Variants in ZFYVE28 observed in about 807,000 individuals in gnomAD.
ZFYVE28 encodes lateral signaling target protein 2 homolog.
ZFYVE28 carries 40 observed loss-of-function variants against 82.1 expected under a neutral mutation model. That is an observed-to-expected ratio of 0.49 (90% confidence interval 0.38 to 0.63). The LOEUF (loss-of-function observed/expected upper bound fraction) is 0.63, where lower values mean the gene tolerates loss of function less well. Ranked by LOEUF, ZFYVE28 falls within the 30% of genes least tolerant of loss-of-function variation. The probability of loss-of-function intolerance (pLI) is 0.00; values close to 1 mark genes in which losing one functional copy is unlikely to be tolerated. For missense variants in ZFYVE28, 1,321 were observed against 1,242.1 expected (o/e 1.06, Z -0.96); for synonymous variants, 612 against 546.1 (o/e 1.12, Z -1.68).
At chr4:2,337,005 G>C (rs1351542978) in intron 5 of ZFYVE28, among the ~76,000 whole-genome samples, 1 of 138,416 alleles carries the variant, frequency 7.2e-6, no homozygotes, top group East Asian at 2.6e-4. Flanking sequence ...AGGTGGGGAA[G>C]TGAGGAGGTG....
rs1484377880 is a variant in ZFYVE28, at chr4:2,408,429, T to A, written c.39+9856A>T. On this transcript the variant is annotated intron_variant, in intron 1 of 12. Transcript: ENST00000290974. The surrounding 1 kb of genome is among the most constrained non-coding windows in gnomAD (Gnocchi z 4.3). ...GTGACTTCCAGGCTGGGCCTCAGGA[T>A]CACCTTGCCACTCTGCTCCACTGCC... Among the ~76,000 whole-genome samples the A allele has an allele frequency of 6.6e-6, 1 of 151,584 alleles. No individual in the cohort carries two copies. Among genetic ancestry groups the A allele is most frequent in the Admixed American group, 6.6e-5 (1 of 15,188 alleles).
At chr4:2,395,166 C>T (rs528340241) in intron 1 of ZFYVE28, among the ~76,000 whole-genome samples, 65 of 152,172 alleles carry the variant, frequency 4.3e-4, no homozygotes, top group Non-Finnish European at 7.1e-4. Flanking sequence ...CCACGCCAGT[C>T]GTACCCTACT....
intron 8 of ZFYVE28, among the ~76,000 whole-genome samples, chr4:2,279,962 G>A (rs1396998883): frequency 6.6e-6 from 1 of 152,190 alleles, no homozygotes; most frequent in East Asian, 1.9e-4. Flanking sequence ...TTTTGAATTA[G>A]ACAGTGATAT....
chr4:2,393,874 A>G (rs1325843698), intron 1 of ZFYVE28, among the ~76,000 whole-genome samples: 2 of 152,178 alleles, frequency 1.3e-5, no homozygotes, highest in Non-Finnish European at 2.9e-5. Context: ...ACAAATCACT[A>G]CAAACTCCAC....
chr4:2,276,009 G>A (rs1322826745), intron 8 of ZFYVE28, among the ~76,000 whole-genome samples: 1 of 152,246 alleles, frequency 6.6e-6, no homozygotes, highest in African/African-American at 2.4e-5. Context: ...CACGTGGCGT[G>A]AGTCTTTTCA....
In ZFYVE28 at chr4:2,332,949, G is replaced by A. The variant is rs528814547; in HGVS notation, c.701+2756C>T. Reference sequence around the variant, plus strand: ...GGGCTCACAGCTGGCCACCCCCCTGGACAGGCCTGCTCCCTGGACTCTGGC... The same window carrying A: ...GGGCTCACAGCTGGCCACCCCCCTGAACAGGCCTGCTCCCTGGACTCTGGC... On this transcript the variant is annotated intron_variant, in intron 6 of 12. Transcript: ENST00000290974. The surrounding 1 kb of genome is among the most constrained non-coding windows in gnomAD (Gnocchi z 4.7). Among the ~76,000 whole-genome samples, 2 of 152,146 alleles carry A rather than the reference G, an allele frequency of 1.3e-5. No individual in the cohort carries two copies. The highest frequency in any genetic ancestry group is 2.4e-5 in the African/African-American group (1 of 41,486).
chr4:2,394,819 C>T lies in ZFYVE28; in HGVS notation c.39+23466G>A, dbSNP rs59079106. Among the ~76,000 whole-genome samples, 4,947 of 152,334 alleles carry T rather than the reference C, an allele frequency of 0.032. 268 individuals carry two copies. The highest frequency in any genetic ancestry group is 0.11 in the African/African-American group (4,537 of 41,562). On this transcript the variant is annotated intron_variant, in intron 1 of 12. Coordinates refer to ENST00000290974, the MANE Select transcript of ZFYVE28 (RefSeq NM_020972.3). The surrounding 1 kb of genome is among the most constrained non-coding windows in gnomAD (Gnocchi z 4.0). ...GTCCTTGCAGCAACCCTGGTGCCAGCGGCAGATGCCAGCACCCAGCACAGT... is the reference window on the plus strand; with the variant it reads ...GTCCTTGCAGCAACCCTGGTGCCAGTGGCAGATGCCAGCACCCAGCACAGT...
rs1169300237 is a variant in ZFYVE28 at position 2,354,031 on chromosome 4, C to T, written c.82G>A (p.Glu28Lys). The change falls in exon 2 of 13, where the codon GAG becomes AAG. Residue 28 changes from glutamate to lysine, a missense_variant. Glu to Lys is a moderately conservative substitution (Grantham distance 56, BLOSUM62 1). Transcript: ENST00000290974. Reference sequence around the variant, plus strand: ...TCCGCGGCCACCTGGTTCAGCTCCTCGTCGGCATAGTAGAACCGGGCAAGC... The same window carrying T: ...TCCGCGGCCACCTGGTTCAGCTCCTTGTCGGCATAGTAGAACCGGGCAAGC... ...QLLARFYYAD[E>K]ELNQVAAELD... The T allele has an allele frequency of 5.7e-6, 9 of 1,580,260 alleles. No homozygotes were observed. The highest frequency in any genetic ancestry group is 7.7e-6 in the Non-Finnish European group (9 of 1,163,416).
intron 1 of ZFYVE28, among the ~76,000 whole-genome samples, chr4:2,392,553 G>A (rs1029130342): frequency 1.3e-5 from 2 of 152,156 alleles, no homozygotes; most frequent in African/African-American, 2.4e-5. Flanking sequence ...AAGCAGGTCC[G>A]GATAGATTCA....
intron 11 of ZFYVE28, 49 bp downstream of exon 11, chr4:2,271,626 C>A: frequency 2.5e-6 from 4 of 1,575,556 alleles, no homozygotes; most frequent in Non-Finnish European, 3.5e-6. Flanking sequence ...GCTCCCACAG[C>A]CCCCACTGGT....
At position 2,335,153 on chromosome 4, in the gene ZFYVE28, C is replaced by A. The variant is rs965582668; in HGVS notation, c.701+552G>T. Among the ~76,000 whole-genome samples, 1 of 151,838 alleles carries A rather than the reference C, an allele frequency of 6.6e-6. No individual in the cohort carries two copies. Among genetic ancestry groups the A allele is most frequent in the Admixed American group, 6.6e-5 (1 of 15,260 alleles). ...GCCTTGAGTTCCCTGCTCTCCCAGA[C>A]GGCCCCGCTGGCAGGAAAGGTTCCA... On this transcript the variant is annotated intron_variant, in intron 6 of 12. Transcript: ENST00000290974. The surrounding 1 kb of genome is among the most constrained non-coding windows in gnomAD (Gnocchi z 5.8).
intron 1 of ZFYVE28, among the ~76,000 whole-genome samples, chr4:2,403,104 C>T (rs1731373677): frequency 6.6e-6 from 1 of 152,264 alleles, no homozygotes; most frequent in African/African-American, 2.4e-5. Flanking sequence ...CCCGTGGCCG[C>T]CTGATGACCC....
intron 1 of ZFYVE28, among the ~76,000 whole-genome samples, chr4:2,371,072 G>A (rs528319265): frequency 4.6e-5 from 7 of 152,322 alleles, no homozygotes; most frequent in African/African-American, 9.6e-5. Context: ...GTTAGGTTTC[G>A]GGCCCCGCTC....
At chr4:2,395,483 G>A (rs376894527) in intron 1 of ZFYVE28, among the ~76,000 whole-genome samples, 2 of 152,224 alleles carry the variant, frequency 1.3e-5, no homozygotes, top group African/African-American at 2.4e-5. Flanking sequence ...GGTCCAGGTC[G>A]TGGGAGCTGG....
At position 2,408,666 on chromosome 4, in the gene ZFYVE28, C is replaced by T. The variant is rs552952925; in HGVS notation, c.39+9619G>A. On this transcript the variant is annotated intron_variant, in intron 1 of 12. Transcript: ENST00000290974. The surrounding 1 kb of genome is among the most constrained non-coding windows in gnomAD (Gnocchi z 4.3). ...ATGGCGCCCCATCCAGATAGAGTCC[C>T]GCCCAGATGAGTACCACCCAGGTAA... Among the ~76,000 whole-genome samples, 3 of 152,224 alleles carry T rather than the reference C, an allele frequency of 2.0e-5. No homozygotes were observed. The highest frequency in any genetic ancestry group is 4.8e-5 in the African/African-American group (2 of 41,526).
chr4:2,364,696 G>A (rs1726628797), intron 1 of ZFYVE28: 8 of 985,470 alleles, frequency 8.1e-6, no homozygotes, highest in Non-Finnish European at 9.6e-6. Context: ...TTAGCACCTC[G>A]CGTCTCGCCG....
intron 2 of ZFYVE28, among the ~76,000 whole-genome samples, chr4:2,344,114 G>C (rs1292459293): frequency 6.6e-6 from 1 of 152,202 alleles, no homozygotes; most frequent in Non-Finnish European, 1.5e-5. Context: ...CTTGAGGAAA[G>C]TTTCAAGTCA....
At position 2,418,242 on chromosome 4, in the gene ZFYVE28, G is replaced by T; in HGVS notation, c.39+43C>A. Reference sequence around the variant, plus strand: ...GACGGGCGGTCCTGGGGAAGGGAGAGGCCGCGACGCGGGGGGCGTCCGGCC... The same window carrying T: ...GACGGGCGGTCCTGGGGAAGGGAGATGCCGCGACGCGGGGGGCGTCCGGCC... On this transcript the variant is annotated intron_variant, in intron 1 of 12. Transcript: ENST00000290974. The surrounding 1 kb of genome is among the most constrained non-coding windows in gnomAD (Gnocchi z 4.6). The T allele has an allele frequency of 1.3e-6, 2 of 1,527,896 alleles. No individual in the cohort carries two copies. The highest frequency in any genetic ancestry group is 1.8e-6 in the Non-Finnish European group (2 of 1,136,574). 94.6% of individuals were successfully genotyped at this position (1,527,896 alleles called of 1,614,324 possible). A position where few individuals can be genotyped will look rare whatever the true frequency, so the allele number is the denominator to read the frequency against.
rs73791776 is a variant in ZFYVE28, at chr4:2,403,688, G to C, written c.39+14597C>G. Among the ~76,000 whole-genome samples the C allele has an allele frequency of 5.0e-3, 756 of 152,322 alleles. 8 individuals carry two copies. Among genetic ancestry groups the C allele is most frequent in the African/African-American group, 0.017 (719 of 41,580 alleles). On this transcript the variant is annotated intron_variant, in intron 1 of 12. Coordinates refer to ENST00000290974, the MANE Select transcript of ZFYVE28 (RefSeq NM_020972.3). Reference sequence around the variant, plus strand: ...CTGTCAAGAACCACAGTGGAAGCCAGCTGCAGTGGCTCACGCCTGTAATCC... The same window carrying C: ...CTGTCAAGAACCACAGTGGAAGCCACCTGCAGTGGCTCACGCCTGTAATCC...
Sources: gnomAD v4.1 joint callset for allele counts (sites outside exome capture counted in the v4.1 genomes callset) on GRCh38, gnomAD v4.1.1 for gene constraint, Gnocchi (gnomAD v3.1) non-coding constraint, MANE v1.5 for transcripts, NCBI Gene and HGNC (gene_info 2026-07-23, HGNC 2026-07-21) for gene names.